Variants in KCNJ15 observed in about 807,000 individuals in gnomAD.
KCNJ15 encodes the protein potassium inwardly rectifying channel subfamily J member 15.
A neutral mutation model predicts 23.0 loss-of-function variants in KCNJ15; 14 were observed. That is an observed-to-expected ratio of 0.61 (90% CI 0.40 to 0.95). KCNJ15 has a LOEUF of 0.95. Ranked by LOEUF, KCNJ15 falls within the 40% of genes least tolerant of loss-of-function variation. The pLI is 0.00. For missense variants in KCNJ15, 388 were observed against 461.8 expected (o/e 0.84, Z 1.46); for synonymous variants, 185 against 183.2 (o/e 1.01, Z -0.08).
intron 1 of KCNJ15, among the ~76,000 whole-genome samples, chr21:38,249,315 T>C (rs967135944): frequency 4.6e-5 from 7 of 152,194 alleles, no homozygotes; most frequent in Non-Finnish European, 8.8e-5. Flanking sequence ...TACTAGGTGA[T>C]ATATGTTATT....
upstream of KCNJ15, among the ~76,000 whole-genome samples, chr21:38,254,841 A>T (rs564711272): frequency 1.3e-5 from 2 of 152,340 alleles, no homozygotes; most frequent in South Asian, 4.1e-4. Context: ...ACAAATTGAA[A>T]AAAAGGTGTT....
At chr21:38,282,089 C>A (rs1370407641) in intron 1 of KCNJ15, among the ~76,000 whole-genome samples, 2 of 152,150 alleles carry the variant, frequency 1.3e-5, no homozygotes, top group East Asian at 3.9e-4. Flanking sequence ...GGTTCATTTC[C>A]TTTGCCCATT....
intron 1 of KCNJ15, among the ~76,000 whole-genome samples, chr21:38,275,562 T>A (rs889129624): frequency 4.0e-5 from 6 of 150,368 alleles, no homozygotes; most frequent in African/African-American, 1.5e-4. Flanking sequence ...AATGGGAAAC[T>A]TTTTTTTGAA....
chr21:38,271,658 C>T (rs1019576321), intron 1 of KCNJ15, among the ~76,000 whole-genome samples: 1 of 152,170 alleles, frequency 6.6e-6, no homozygotes, highest in Non-Finnish European at 1.5e-5. Flanking sequence ...GAGTATTCTT[C>T]TCAATGGAAG....
At chr21:38,235,114 A>G (rs183066669) in intron 1 of KCNJ15, among the ~76,000 whole-genome samples, 1 of 152,240 alleles carries the variant, frequency 6.6e-6, no homozygotes, top group Non-Finnish European at 1.5e-5. Flanking sequence ...GAGTAGCTAT[A>G]ATCACTCTTT....
chr21:38,236,939 G>A (rs1438047013), intron 1 of KCNJ15, among the ~76,000 whole-genome samples: 1 of 152,190 alleles, frequency 6.6e-6, no homozygotes. Flanking sequence ...GGGTCCAGAA[G>A]CAGACAGTCT....
upstream of KCNJ15, among the ~76,000 whole-genome samples, chr21:38,253,729 GT>G (rs2123586665): frequency 6.6e-6 from 1 of 152,020 alleles, no homozygotes; most frequent in Admixed American, 6.5e-5. Context: ...TTGGGAAACA[GT>G]TCTCTTGAAA....
intron 1 of KCNJ15, among the ~76,000 whole-genome samples, chr21:38,242,230 A>G (rs2123556614): frequency 6.6e-6 from 1 of 152,212 alleles, no homozygotes; most frequent in African/African-American, 2.4e-5. Context: ...TGTTTACCCA[A>G]ACAGAAAATG....
chr21:38,281,352 G>A (rs530436252), intron 1 of KCNJ15, among the ~76,000 whole-genome samples: 30 of 152,110 alleles, frequency 2.0e-4, no homozygotes, highest in African/African-American at 6.0e-4. Context: ...GCATGATGCC[G>A]AGGTTTGGTG....
intron 1 of KCNJ15, among the ~76,000 whole-genome samples, chr21:38,258,785 C>G (rs192760295): frequency 2.8e-4 from 43 of 152,300 alleles, no homozygotes; most frequent in African/African-American, 9.4e-4. Context: ...GGTCATTTTA[C>G]AGAAAGTCTT....
intron 1 of KCNJ15, among the ~76,000 whole-genome samples, chr21:38,233,483 TCATATCA>T (rs1748623810): frequency 6.6e-6 from 1 of 152,172 alleles, no homozygotes; most frequent in Admixed American, 6.5e-5. Flanking sequence ...TCTATATGTC[TCATATCA>T]CATTTTGTTC....
intron 1 of KCNJ15, among the ~76,000 whole-genome samples, chr21:38,281,987 G>A (rs541405830): frequency 4.5e-4 from 68 of 152,150 alleles, no homozygotes; most frequent in African/African-American, 1.5e-3. Context: ...ATAACTCTTC[G>A]TGGTTTTGAT....
At chr21:38,267,905 G>A (rs777759895) in intron 1 of KCNJ15, among the ~76,000 whole-genome samples, 1 of 152,132 alleles carries the variant, frequency 6.6e-6, no homozygotes, top group African/African-American at 2.4e-5. Flanking sequence ...GACTTAAAAA[G>A]TATATGCTTA....
At chr21:38,271,640 G>A (rs891451834) in intron 1 of KCNJ15, among the ~76,000 whole-genome samples, 2 of 152,176 alleles carry the variant, frequency 1.3e-5, no homozygotes, top group African/African-American at 2.4e-5. Flanking sequence ...ACTGAGCTGG[G>A]TGTATTTGAG....
intron 2 of KCNJ15, among the ~76,000 whole-genome samples, chr21:38,297,637 G>A (rs192897864): frequency 1.3e-4 from 20 of 152,254 alleles, no homozygotes; most frequent in Admixed American, 2.0e-4. Flanking sequence ...TTTCCTCTTC[G>A]TTACACTGAG....
At chr21:38,275,479 T>A (rs6517454) in intron 1 of KCNJ15, among the ~76,000 whole-genome samples, 1 of 145,630 alleles carries the variant, frequency 6.9e-6, no homozygotes, top group East Asian at 2.0e-4. Context: ...CCAAGATCAC[T>A]CCACTGCACT....
At chr21:38,238,518 C>T (rs963433055) in intron 1 of KCNJ15, 1 of 640,754 alleles carries the variant, frequency 1.6e-6, no homozygotes, top group Non-Finnish European at 3.0e-6. Flanking sequence ...GGGCACGGAC[C>T]ATCTCCGGCA....
intron 1 of KCNJ15, among the ~76,000 whole-genome samples, chr21:38,231,251 A>C (rs1459956681): frequency 1.3e-5 from 2 of 152,008 alleles, no homozygotes; most frequent in East Asian, 3.9e-4. Context: ...CAGATTCTTC[A>C]TTGCTAGCCT....
chr21:38,305,308 T>C lies in KCNJ15; in HGVS notation c.*4919T>C, dbSNP rs996153069. The C allele has an allele frequency of 6.6e-6, 1 of 152,138 alleles. No individual in the cohort carries two copies. Among genetic ancestry groups the C allele is most frequent in the African/African-American group, 2.4e-5 (1 of 41,416 alleles). 9.4% of individuals were successfully genotyped at this position (152,138 alleles called of 1,614,324 possible). On this transcript the variant is annotated 3_prime_UTR_variant, in exon 3 of 3. Transcript: ENST00000398938. Reference sequence around the variant, plus strand: ...AAAAATAATCAATTCAAATTCAAATTAGGAATTTATGGACATTCAGATATC... The same window carrying C: ...AAAAATAATCAATTCAAATTCAAATCAGGAATTTATGGACATTCAGATATC...
Sources: gnomAD v4.1 joint callset for allele counts (sites outside exome capture counted in the v4.1 genomes callset) on GRCh38, gnomAD v4.1.1 for gene constraint, MANE v1.5 for transcripts, NCBI Gene and HGNC (gene_info 2026-07-23, HGNC 2026-07-21) for gene names.